Variants in PLEKHM3 observed in about 807,000 individuals in gnomAD.
PLEKHM3 encodes the protein pleckstrin homology domain-containing family M member 3.
In PLEKHM3, 45 loss-of-function variants were observed where a neutral mutation model predicts 81.8. The ratio of observed to expected loss-of-function variants is 0.55; its 90% CI spans 0.43 to 0.71. The LOEUF (loss-of-function observed/expected upper bound fraction) is 0.71, where lower values mean the gene tolerates loss of function less well. Ranked by LOEUF, PLEKHM3 falls within the 30% of genes least tolerant of loss-of-function variation. The pLI is 0.00. For missense variants in PLEKHM3, 788 were observed against 924.3 expected, an observed-to-expected ratio of 0.85 and a Z score of 1.91; for synonymous variants, 352 against 356.4, an observed-to-expected ratio of 0.99 and a Z score of 0.14.
intron 3 of PLEKHM3, among the ~76,000 whole-genome samples, chr2:207,948,615 C>T (rs1335339497): frequency 6.7e-6 from 1 of 149,872 alleles, no homozygotes; most frequent in African/African-American, 2.5e-5. Flanking sequence ...GCGATTTCGG[C>T]TCGCTGCAAC....
At position 207,881,864 on chromosome 2, in the gene PLEKHM3, T is replaced by A. The variant is rs1006561683; in HGVS notation, c.1951-20602A>T. ...CCCTTGCTGCTTGGAGGCACCATCC[T>A]GGGGTCAGTCTGGCCTACTGGATTT... On this transcript the variant is annotated intron_variant, in intron 6 of 7. Transcript: ENST00000427836. Among the ~76,000 whole-genome samples the A allele has an allele frequency of 2.0e-5, 3 of 152,118 alleles. No homozygotes were observed. The East Asian group carries it at 5.8e-4, about 29-fold the overall frequency.
At chr2:207,867,835 A>G (rs539113100) in intron 6 of PLEKHM3, among the ~76,000 whole-genome samples, 2 of 152,152 alleles carry the variant, frequency 1.3e-5, no homozygotes, top group Admixed American at 6.5e-5. Context: ...CCATCTCGGT[A>G]GGGGCTTAAG....
chr2:207,901,962 G>A (rs1006183121), intron 6 of PLEKHM3, among the ~76,000 whole-genome samples: 11 of 152,158 alleles, frequency 7.2e-5, no homozygotes, highest in African/African-American at 2.2e-4. Flanking sequence ...GAGCTGTCAC[G>A]CTTTGTTTTT....
At chr2:207,970,942 G>C (rs1691098891) in intron 3 of PLEKHM3, among the ~76,000 whole-genome samples, 1 of 152,230 alleles carries the variant, frequency 6.6e-6, no homozygotes, top group African/African-American at 2.4e-5. Flanking sequence ...AGCAGCCAAG[G>C]AGTAAAACCA....
chr2:207,909,521 T>G (rs1188096098), intron 5 of PLEKHM3, among the ~76,000 whole-genome samples: 1 of 152,220 alleles, frequency 6.6e-6, no homozygotes, highest in East Asian at 1.9e-4. Context: ...AGCCCAAGTA[T>G]GAGGCCAAGG....
intron 2 of PLEKHM3, among the ~76,000 whole-genome samples, chr2:207,983,590 G>GAA (rs35041778): frequency 6.9e-6 from 1 of 145,324 alleles, no homozygotes; most frequent in Non-Finnish European, 1.5e-5. Context: ...CCATGAAAAA[G>GAA]AAAAAAAAAA....
intron 3 of PLEKHM3, among the ~76,000 whole-genome samples, chr2:207,955,997 C>T (rs1295098639): frequency 2.0e-5 from 3 of 151,968 alleles, no homozygotes; most frequent in Admixed American, 2.0e-4. Context: ...GGCATTTGAG[C>T]TGGGTCTTGA....
intron 5 of PLEKHM3, chr2:207,929,863 T>C (rs1429184036): frequency 2.9e-6 from 2 of 692,804 alleles, no homozygotes; most frequent in Non-Finnish European, 5.3e-6. Flanking sequence ...ATCACTTCAA[T>C]ACTTTCCAAA....
chr2:207,837,866 G>T (rs1386817087), intron 7 of PLEKHM3, among the ~76,000 whole-genome samples: 1 of 141,824 alleles, frequency 7.1e-6, no homozygotes, highest in Non-Finnish European at 1.5e-5. Context: ...CATATCCCGG[G>T]TTCAAGCGAT....
intron 2 of PLEKHM3, among the ~76,000 whole-genome samples, chr2:207,993,451 A>G (rs1391482949): frequency 2.0e-5 from 3 of 151,884 alleles, no homozygotes; most frequent in African/African-American, 7.3e-5. Flanking sequence ...GGCTTTTGAG[A>G]AACATCATAA....
chr2:207,853,301 C>T (rs1466479772), intron 7 of PLEKHM3, among the ~76,000 whole-genome samples: 1 of 151,816 alleles, frequency 6.6e-6, no homozygotes, highest in Admixed American at 6.6e-5. Context: ...CTTGTAATCC[C>T]AGCTACTTGG....
chr2:207,972,256 T>G (rs1574457228), intron 3 of PLEKHM3, among the ~76,000 whole-genome samples: 2 of 148,668 alleles, frequency 1.3e-5, no homozygotes, highest in East Asian at 4.0e-4. Context: ...GAGGTAGGCA[T>G]GATAATAGTA....
intron 5 of PLEKHM3, among the ~76,000 whole-genome samples, chr2:207,914,885 A>G (rs1165037895): frequency 1.3e-5 from 2 of 152,140 alleles, no homozygotes; most frequent in African/African-American, 4.8e-5. Context: ...GGGGCTATTA[A>G]TCATCATGTC....
At chr2:208,008,583 A>C (rs1433811187) in intron 1 of PLEKHM3, among the ~76,000 whole-genome samples, 5 of 151,242 alleles carry the variant, frequency 3.3e-5, no homozygotes, top group Non-Finnish European at 7.4e-5. Context: ...ACAACCTGAC[A>C]CAAGACCCCA....
chr2:207,822,280 A>G lies in PLEKHM3; in HGVS notation c.*6039T>C, dbSNP rs2105870459. The G allele has an allele frequency of 1.3e-5, 2 of 152,818 alleles. No individual in the cohort carries two copies. Among genetic ancestry groups the G allele is most frequent in the Middle Eastern group, 6.8e-3 (2 of 294 alleles). 9.5% of individuals were successfully genotyped at this position (152,818 alleles called of 1,614,324 possible). A position where few individuals can be genotyped will look rare whatever the true frequency, so the allele number is the denominator to read the frequency against. Reference sequence around the variant, plus strand: ...GAGGCTTCCCACTTCTTATTTGGAAAACAGGTGGCAAAATAAAAAGAAAAC... The same window carrying G: ...GAGGCTTCCCACTTCTTATTTGGAAGACAGGTGGCAAAATAAAAAGAAAAC... On this transcript the variant is annotated 3_prime_UTR_variant, in exon 8 of 8. Transcript: ENST00000427836.
At chr2:207,973,972 G>A (rs1432889605) in intron 3 of PLEKHM3, among the ~76,000 whole-genome samples, 5 of 151,870 alleles carry the variant, frequency 3.3e-5, no homozygotes, top group Non-Finnish European at 5.9e-5. Flanking sequence ...TCTCTGCCCC[G>A]TTCGTTAAAA....
At chr2:207,878,042 G>C (rs182262571) in intron 6 of PLEKHM3, among the ~76,000 whole-genome samples, 1 of 152,172 alleles carries the variant, frequency 6.6e-6, no homozygotes, top group Admixed American at 6.5e-5. Context: ...GGGCTCAAAC[G>C]ATCTTCCCAC....
intron 1 of PLEKHM3, among the ~76,000 whole-genome samples, chr2:208,008,525 A>AAAC (rs60052604): frequency 7.1e-6 from 1 of 140,164 alleles, no homozygotes; most frequent in African/African-American, 2.6e-5. Flanking sequence ...AAAAAAAAAA[A>AAAC]CAGACAAAAA....
At chr2:207,994,429 C>G (rs1345745214) in intron 2 of PLEKHM3, among the ~76,000 whole-genome samples, 7 of 151,860 alleles carry the variant, frequency 4.6e-5, no homozygotes. Context: ...GGGTTTAGTA[C>G]AGACAGTAGT....
Sources: allele counts gnomAD v4.1 joint callset (sites outside exome capture counted in the v4.1 genomes callset), GRCh38; gene constraint gnomAD v4.1.1; transcripts MANE v1.5; gene names NCBI Gene and HGNC (gene_info 2026-07-23, HGNC 2026-07-21).